The following NCAM1 variants were observed in gnomAD, a reference collection of about 807,000 sequenced individuals.
The protein encoded by NCAM1 is antigen recognized by monoclonal antibody 5.1H11.
A neutral mutation model predicts 109.8 loss-of-function variants in NCAM1; 14 were observed. That is an observed-to-expected ratio of 0.13 (90% CI 0.08 to 0.20). NCAM1 has a LOEUF of 0.20. Among genes scored for constraint, NCAM1 ranks in the 10% least tolerant of loss-of-function variants. NCAM1 has a pLI of 1.00. For synonymous variants in NCAM1, 418 were observed against 442.9 expected, an observed-to-expected ratio of 0.94 and a Z score of 0.70; for missense variants, 774 against 1,109.9, an observed-to-expected ratio of 0.70 and a Z score of 4.30.
At chr11:113,032,986 C>A (rs1400394536) in intron 1 of NCAM1, among the ~76,000 whole-genome samples, 1 of 152,198 alleles carries the variant, frequency 6.6e-6, no homozygotes, top group Non-Finnish European at 1.5e-5. Context: ...TAATTGAAGG[C>A]AACCATAATA....
chr11:113,055,979 ATATATATATATATATATATATAT>A (rs1953685713), intron 1 of NCAM1, among the ~76,000 whole-genome samples: 1 of 2,496 alleles, frequency 4.0e-4, no homozygotes, highest in Admixed American at 3.4e-3. Flanking sequence ...AGAAAATGTG[ATATATATATATATATATATATAT>A]ATATATATAT....
chr11:113,033,326 A>AGTT (rs1458719785), intron 1 of NCAM1, among the ~76,000 whole-genome samples: 26 of 152,240 alleles, frequency 1.7e-4, no homozygotes, highest in Non-Finnish European at 2.6e-4. Context: ...GAGCAGCAGC[A>AGTT]GTTGTTGTTG....
rs549841862 is a variant in NCAM1, at chr11:113,024,255, G to A, written c.52+62591G>A. ...CTGCGGTGATGTGTTCAAAGTTAGG[G>A]TAATTTGTGATCTACTGCCCTCGGT... On this transcript the variant is annotated intron_variant, in intron 1 of 19. Transcript: ENST00000316851. Among the ~76,000 whole-genome samples, 24 of 152,288 alleles carry A rather than the reference G, an allele frequency of 1.6e-4. No homozygotes were observed. The East Asian group carries it at 4.4e-3, about 28-fold the overall frequency.
At chr11:113,246,596 A>G (rs1945509031) in intron 15 of NCAM1, among the ~76,000 whole-genome samples, 1 of 152,268 alleles carries the variant, frequency 6.6e-6, no homozygotes, top group African/African-American at 2.4e-5. Context: ...ATTTGGTCAC[A>G]CAAACTGTTC....
intron 1 of NCAM1, among the ~76,000 whole-genome samples, chr11:113,065,744 TA>T (rs1362892597): frequency 1.3e-5 from 2 of 152,150 alleles, no homozygotes; most frequent in African/African-American, 4.8e-5. Flanking sequence ...TAAGGAGATG[TA>T]ACAACAAATT....
At chr11:113,213,653 C>A (rs1591424367) in intron 7 of NCAM1, among the ~76,000 whole-genome samples, 1 of 152,184 alleles carries the variant, frequency 6.6e-6, no homozygotes, top group African/African-American at 2.4e-5. Context: ...ACTTATTGAA[C>A]CTTCCTCCAG....
intron 8 of NCAM1, 91 bp from the exon 9 acceptor site, chr11:113,221,205 T>C: frequency 7.8e-7 from 1 of 1,289,542 alleles, no homozygotes; most frequent in Non-Finnish European, 1.1e-6. Flanking sequence ...AAGCTGCATG[T>C]GCACGGAATG....
At chr11:113,189,449 C>A (rs1485909703) in intron 1 of NCAM1, among the ~76,000 whole-genome samples, 38 of 118,006 alleles carry the variant, frequency 3.2e-4, no homozygotes, top group African/African-American at 7.7e-4. Flanking sequence ...GATTCTGTCT[C>A]AAAAAAAAAA....
At chr11:113,062,520 C>A (rs1053304908) in intron 1 of NCAM1, among the ~76,000 whole-genome samples, 1 of 152,122 alleles carries the variant, frequency 6.6e-6, no homozygotes, top group Non-Finnish European at 1.5e-5. Context: ...GGCCAAAAAC[C>A]AAGTAAAGGA....
intron 1 of NCAM1, among the ~76,000 whole-genome samples, chr11:113,080,883 C>T (rs782197554): frequency 6.6e-6 from 1 of 152,100 alleles, no homozygotes; most frequent in South Asian, 2.1e-4. Context: ...TGCTATTTCT[C>T]ACTTTGTTTT....
At chr11:113,083,503 A>G (rs782624788) in intron 1 of NCAM1, among the ~76,000 whole-genome samples, 4 of 152,202 alleles carry the variant, frequency 2.6e-5, no homozygotes, top group Non-Finnish European at 5.9e-5. Context: ...ATTTAAATGA[A>G]TTAACATTTA....
chr11:113,229,157 TG>T (rs1555116727), intron 9 of NCAM1, among the ~76,000 whole-genome samples: 4 of 152,114 alleles, frequency 2.6e-5, no homozygotes, highest in African/African-American at 9.7e-5. Context: ...ACCTACAGAA[TG>T]GGAGAAAATT....
At chr11:113,159,028 A>T (rs551514738) in intron 1 of NCAM1, among the ~76,000 whole-genome samples, 14 of 152,346 alleles carry the variant, frequency 9.2e-5, no homozygotes, top group African/African-American at 3.4e-4. Flanking sequence ...CGTAAAGCTC[A>T]GCATCTCCTT....
chr11:113,262,743 T>TAAG, intron 17 of NCAM1: 1 of 1,286,960 alleles, frequency 7.8e-7, no homozygotes, highest in Non-Finnish European at 1.1e-6. Flanking sequence ...CCTGTGTCTG[T>TAAG]CGTCACACTT....
chr11:113,212,845 T>C (rs374971166), intron 7 of NCAM1, among the ~76,000 whole-genome samples: 1 of 152,340 alleles, frequency 6.6e-6, no homozygotes, highest in African/African-American at 2.4e-5. Context: ...ATCGTACTTA[T>C]TAAGGAAAAC....
chr11:113,126,785 C>T (rs1022550465), intron 1 of NCAM1, among the ~76,000 whole-genome samples: 1 of 152,180 alleles, frequency 6.6e-6, no homozygotes, highest in Non-Finnish European at 1.5e-5. Flanking sequence ...GCCCACAACA[C>T]AGACAGAGAA....
intron 17 of NCAM1, 149 bp downstream of exon 17, chr11:113,260,472 T>C (rs1945959177): frequency 1.2e-6 from 1 of 851,606 alleles, no homozygotes; most frequent in African/African-American, 1.7e-5. Flanking sequence ...TTTTGCCTTG[T>C]ACCTATCTGT....
intron 1 of NCAM1, among the ~76,000 whole-genome samples, chr11:113,063,204 C>G (rs1377145703): frequency 6.6e-6 from 1 of 152,162 alleles, no homozygotes; most frequent in Non-Finnish European, 1.5e-5. Flanking sequence ...AGTAAACTCA[C>G]CTGGTGCTGT....
chr11:113,201,675 G>C (rs1303153908), intron 1 of NCAM1, among the ~76,000 whole-genome samples: 1 of 152,206 alleles, frequency 6.6e-6, no homozygotes, highest in Non-Finnish European at 1.5e-5. Context: ...AAATATTCAG[G>C]GAAAGTAGCC....
Sources: allele counts gnomAD v4.1 joint callset (sites outside exome capture counted in the v4.1 genomes callset), GRCh38; gene constraint gnomAD v4.1.1; transcripts MANE v1.5; gene names NCBI Gene and HGNC (gene_info 2026-07-23, HGNC 2026-07-21).